Variants in ADARB2 observed in about 807,000 individuals in gnomAD.
The protein encoded by ADARB2 is adenosine deaminase RNA specific B2 (inactive), also known as inactive double-stranded RNA-specific editase B2.
ADARB2 carries 25 observed loss-of-function variants against 62.2 expected under a neutral mutation model. The ratio of observed to expected loss-of-function variants is 0.40; its 90% CI spans 0.29 to 0.56. The LOEUF (loss-of-function observed/expected upper bound fraction) is 0.56. ADARB2 is among the 20% of genes least tolerant of loss of function. The pLI, the probability that ADARB2 is intolerant of heterozygous loss-of-function variation, is 0.43. For missense variants in ADARB2, 1,071 were observed against 1,077.4 expected (o/e 0.99, Z 0.08); for synonymous variants, 572 against 500.8 (o/e 1.14, Z -1.90).
intron 8 of ADARB2, among the ~76,000 whole-genome samples, chr10:1,190,423 A>C (rs752809137): frequency 6.6e-6 from 1 of 152,242 alleles, no homozygotes; most frequent in East Asian, 1.9e-4. Context: ...TGTGTATTCT[A>C]ATGTGGTTTC....
chr10:1,661,032 G>T (rs1834239894), intron 1 of ADARB2, among the ~76,000 whole-genome samples: 1 of 152,002 alleles, frequency 6.6e-6, no homozygotes, highest in Non-Finnish European at 1.5e-5. Flanking sequence ...TTCCAACCCT[G>T]CAATAAACTT....
chr10:1,566,098 A>C (rs1374657706), intron 1 of ADARB2, among the ~76,000 whole-genome samples: 5 of 122,640 alleles, frequency 4.1e-5, no homozygotes, highest in African/African-American at 1.2e-4. Flanking sequence ...AAAAAAAAAA[A>C]AAAAAAAAAA....
chr10:1,572,316 C>A (rs764179265), intron 1 of ADARB2, among the ~76,000 whole-genome samples: 4 of 152,136 alleles, frequency 2.6e-5, no homozygotes, highest in Non-Finnish European at 5.9e-5. Context: ...GGTGCGTGTG[C>A]AGGTGAGTGG....
intron 1 of ADARB2, among the ~76,000 whole-genome samples, chr10:1,439,539 T>C (rs1311451644): frequency 9.2e-6 from 1 of 108,544 alleles, no homozygotes; most frequent in African/African-American, 3.1e-5. Flanking sequence ...GGCTCCTGAG[T>C]CTCCTCAGCA....
chr10:1,561,530 C>T (rs1456201481), intron 1 of ADARB2, among the ~76,000 whole-genome samples: 1 of 152,138 alleles, frequency 6.6e-6, no homozygotes, highest in Non-Finnish European at 1.5e-5. Context: ...CAAATTAGAC[C>T]CCTTCTCTGT....
intron 1 of ADARB2, among the ~76,000 whole-genome samples, chr10:1,405,263 A>G (rs575549714): frequency 5.3e-5 from 8 of 152,212 alleles, no homozygotes; most frequent in Non-Finnish European, 1.2e-4. Flanking sequence ...ATTGATTTAG[A>G]CATGTTCCCT....
At chr10:1,377,668 CA>C (rs1329177281) in intron 2 of ADARB2, among the ~76,000 whole-genome samples, 1 of 152,034 alleles carries the variant, frequency 6.6e-6, no homozygotes, top group Non-Finnish European at 1.5e-5. Context: ...CAACCTGTGT[CA>C]AAGCTTAGCT....
intron 3 of ADARB2, among the ~76,000 whole-genome samples, chr10:1,300,651 T>C (rs150586681): frequency 2.5e-4 from 38 of 152,384 alleles, no homozygotes; most frequent in African/African-American, 8.7e-4. Flanking sequence ...CTTCCTCATT[T>C]TAAAATTCCT....
At chr10:1,227,073 T>C (rs1003267642) in intron 6 of ADARB2, among the ~76,000 whole-genome samples, 1 of 152,242 alleles carries the variant, frequency 6.6e-6, no homozygotes, top group Non-Finnish European at 1.5e-5. Context: ...CCAGGCTGCT[T>C]TGTTTATCTA....
At chr10:1,673,314 A>ATGTGTGTGTGTGTGTGTGTGTGTGTG (rs66687699) in intron 1 of ADARB2, among the ~76,000 whole-genome samples, 2 of 149,698 alleles carry the variant, frequency 1.3e-5, no homozygotes, top group Non-Finnish European at 3.0e-5. Flanking sequence ...ATTTCATTTT[A>ATGTGTGTGTGTGTGTGTGTGTGTGTG]TGTGTGTGTG....
At chr10:1,306,264 A>G (rs1219471012) in intron 3 of ADARB2, among the ~76,000 whole-genome samples, 1 of 151,850 alleles carries the variant, frequency 6.6e-6, no homozygotes, top group Admixed American at 6.6e-5. Context: ...ATACACCAAC[A>G]ACAGACAAAC....
intron 1 of ADARB2, among the ~76,000 whole-genome samples, chr10:1,466,593 G>T (rs539490639): frequency 1.3e-5 from 2 of 152,174 alleles, no homozygotes; most frequent in Admixed American, 6.5e-5. Context: ...ATTCAGGCCC[G>T]CCTCACCCTA....
intron 1 of ADARB2, among the ~76,000 whole-genome samples, chr10:1,724,252 C>T (rs1835135166): frequency 6.6e-6 from 1 of 152,220 alleles, no homozygotes; most frequent in African/African-American, 2.4e-5. Flanking sequence ...TTTTCAGCTG[C>T]ACCCATCTCT....
At chr10:1,187,819 T>C in intron 8 of ADARB2, 1 of 429,752 alleles carries the variant, frequency 2.3e-6, no homozygotes, top group South Asian at 1.6e-5. Context: ...TGCGGGGTCG[T>C]CCAGCCTTGC....
At chr10:1,328,280 C>T (rs945495620) in intron 3 of ADARB2, among the ~76,000 whole-genome samples, 4 of 152,130 alleles carry the variant, frequency 2.6e-5, no homozygotes, top group African/African-American at 9.7e-5. Context: ...CTGTAGTCAA[C>T]GAAGGGCAGC....
intron 1 of ADARB2, among the ~76,000 whole-genome samples, chr10:1,607,683 C>A (rs547434126): frequency 6.6e-6 from 1 of 152,188 alleles, no homozygotes; most frequent in Non-Finnish European, 1.5e-5. Context: ...GGACCCTGCC[C>A]GCAGCGACAT....
At chr10:1,431,603 T>C (rs1830778378) in intron 1 of ADARB2, among the ~76,000 whole-genome samples, 1 of 151,814 alleles carries the variant, frequency 6.6e-6, no homozygotes, top group Non-Finnish European at 1.5e-5. Flanking sequence ...AATTAAAGAA[T>C]AAAGATGAGA....
intron 1 of ADARB2, among the ~76,000 whole-genome samples, chr10:1,505,165 A>G (rs544605323): frequency 2.6e-4 from 40 of 151,812 alleles, no homozygotes; most frequent in Non-Finnish European, 5.3e-4. Context: ...CGCAAAACAC[A>G]CATGAACACA....
At chr10:1,299,991 G>T (rs1470662247) in intron 3 of ADARB2, among the ~76,000 whole-genome samples, 1 of 152,174 alleles carries the variant, frequency 6.6e-6, no homozygotes, top group Non-Finnish European at 1.5e-5. Context: ...GGGGGGCCCG[G>T]TGGAGGACCC....
Sources: gnomAD v4.1 joint callset for allele counts (sites outside exome capture counted in the v4.1 genomes callset) on GRCh38, gnomAD v4.1.1 for gene constraint, MANE v1.5 for transcripts, NCBI Gene and HGNC (gene_info 2026-07-23, HGNC 2026-07-21) for gene names.